OXR1: variants seen among roughly 807,000 people sequenced by gnomAD.
The protein encoded by OXR1 is oxidation resistance protein 1.
In OXR1, 41 loss-of-function variants were observed where a neutral mutation model predicts 104.6. The ratio of observed to expected loss-of-function variants is 0.39; its 90% CI spans 0.31 to 0.51. The LOEUF (loss-of-function observed/expected upper bound fraction) is 0.51. Ranked by LOEUF, OXR1 falls within the 20% of genes least tolerant of loss-of-function variation. The pLI, the probability that OXR1 is intolerant of heterozygous loss-of-function variation, is 0.77. For missense variants in OXR1, 955 were observed against 1,031.9 expected (o/e 0.93, Z 1.02); for synonymous variants, 348 against 348.4 (o/e 1.00, Z 0.01).
chr8:106,703,190 CTTTTA>C, intron 8 of OXR1, 100 bp downstream of exon 8: 1 of 711,312 alleles, frequency 1.4e-6, no homozygotes, highest in African/African-American at 1.8e-5. Flanking sequence ...TTATAGCTGC[CTTTTA>C]TTTTGTCAAT....
chr8:106,733,374 G>A (rs1347629457), intron 11 of OXR1, among the ~76,000 whole-genome samples: 6 of 152,070 alleles, frequency 3.9e-5, no homozygotes, highest in African/African-American at 1.4e-4. Flanking sequence ...CCTGGCTAGA[G>A]GTAGAGGTTT....
intron 1 of OXR1, among the ~76,000 whole-genome samples, chr8:106,274,634 TACAAAC>T (rs1474918771): frequency 8.9e-6 from 1 of 112,748 alleles, no homozygotes; most frequent in Non-Finnish European, 1.7e-5. Context: ...CTCCTGTGCA[TACAAAC>T]ACAAACAGCT....
At chr8:106,381,769 T>C (rs1817159771) in intron 2 of OXR1, among the ~76,000 whole-genome samples, 1 of 152,232 alleles carries the variant, frequency 6.6e-6, no homozygotes, top group Non-Finnish European at 1.5e-5. Flanking sequence ...TCTGTATTGC[T>C]GAGTTATTTT....
intron 2 of OXR1, among the ~76,000 whole-genome samples, chr8:106,490,029 C>T (rs970857995): frequency 6.6e-6 from 1 of 152,138 alleles, no homozygotes; most frequent in Admixed American, 6.5e-5. Context: ...AACCATAGCC[C>T]CATTTTCATT....
intron 4 of OXR1, among the ~76,000 whole-genome samples, chr8:106,680,788 A>G (rs1828073291): frequency 6.6e-6 from 1 of 152,040 alleles, no homozygotes; most frequent in Non-Finnish European, 1.5e-5. Flanking sequence ...ACTTCATACT[A>G]AACAAATTAT....
At chr8:106,328,270 A>C (rs1814561641) in intron 1 of OXR1, among the ~76,000 whole-genome samples, 1 of 152,242 alleles carries the variant, frequency 6.6e-6, no homozygotes, top group Admixed American at 6.5e-5. Flanking sequence ...GGAAACTGAT[A>C]TGGATTAAGT....
chr8:106,276,939 A>T (rs1023974592), intron 1 of OXR1, among the ~76,000 whole-genome samples: 1 of 152,266 alleles, frequency 6.6e-6, no homozygotes, highest in South Asian at 2.1e-4. Context: ...TTCAACTAGG[A>T]TGTATTTTTT....
Position 106,411,476 on chromosome 8 carries a change from G to A in OXR1, c.23+51840G>A, listed in dbSNP as rs530966054. ...AAGACATAGTTGGTTCATTCAGGAAGCCTCTGGTATCGTGGAGGAGACAAG... is the reference window on the plus strand; with the variant it reads ...AAGACATAGTTGGTTCATTCAGGAAACCTCTGGTATCGTGGAGGAGACAAG... On this transcript the variant is annotated intron_variant, in intron 2 of 16. Coordinates refer to ENST00000517566, the MANE Select transcript of OXR1 (RefSeq NM_001198533.2). Among the ~76,000 whole-genome samples, 5 of 152,300 alleles carry A rather than the reference G, an allele frequency of 3.3e-5. No individual in the cohort carries two copies. In the East Asian group the frequency reaches 9.6e-4, roughly 29 times the overall value.
intron 3 of OXR1, among the ~76,000 whole-genome samples, chr8:106,644,693 T>C (rs908982562): frequency 2.0e-5 from 3 of 152,128 alleles, no homozygotes; most frequent in African/African-American, 7.2e-5. Context: ...TGCACACGTA[T>C]GTGAAACACA....
chr8:106,536,226 A>AAAAG (rs144607017), intron 3 of OXR1, among the ~76,000 whole-genome samples: 1,656 of 145,132 alleles, frequency 0.011, 27 homozygotes, highest in African/African-American at 0.028. Context: ...TCTCAAAAAA[A>AAAAG]AAAGAAAGAA....
At chr8:106,681,682 GC>G (rs1453349049) in intron 4 of OXR1, among the ~76,000 whole-genome samples, 1 of 151,798 alleles carries the variant, frequency 6.6e-6, no homozygotes, top group Non-Finnish European at 1.5e-5. Context: ...GCATCACCAC[GC>G]CCAGCTAATT....
intron 3 of OXR1, among the ~76,000 whole-genome samples, chr8:106,676,038 A>G (rs538110510): frequency 2.0e-5 from 3 of 152,090 alleles, no homozygotes; most frequent in Non-Finnish European, 4.4e-5. Flanking sequence ...GCATTATGTA[A>G]TGCCCTTCTT....
intron 3 of OXR1, among the ~76,000 whole-genome samples, chr8:106,628,630 G>T (rs1221186997): frequency 1.3e-5 from 2 of 152,032 alleles, no homozygotes; most frequent in Admixed American, 6.6e-5. Flanking sequence ...ATTTTGGTTT[G>T]CTTTCCTTGC....
At chr8:106,483,768 GATTCTGAGAA>G (rs1262334634) in intron 2 of OXR1, among the ~76,000 whole-genome samples, 1 of 152,028 alleles carries the variant, frequency 6.6e-6, no homozygotes, top group Non-Finnish European at 1.5e-5. Flanking sequence ...TTGAGGAACA[GATTCTGAGAA>G]ATAGTGATGT....
intron 3 of OXR1, among the ~76,000 whole-genome samples, chr8:106,527,976 G>T (rs960049750): frequency 2.0e-5 from 3 of 152,176 alleles, no homozygotes; most frequent in African/African-American, 7.2e-5. Context: ...TTCCCCAAGT[G>T]CTAGTCTATA....
chr8:106,463,410 TAAGAA>T (rs1391893926), intron 2 of OXR1, among the ~76,000 whole-genome samples: 2 of 152,134 alleles, frequency 1.3e-5, no homozygotes, highest in African/African-American at 4.8e-5. Flanking sequence ...GCCTCTCAAA[TAAGAA>T]GAGTTCTTAG....
chr8:106,389,674 A>G (rs918728477), intron 2 of OXR1, among the ~76,000 whole-genome samples: 1 of 152,204 alleles, frequency 6.6e-6, no homozygotes, highest in Non-Finnish European at 1.5e-5. Flanking sequence ...TAAAACTGAT[A>G]TTTCATATTT....
chr8:106,696,391 C>T (rs947339138), intron 7 of OXR1, among the ~76,000 whole-genome samples: 1 of 152,186 alleles, frequency 6.6e-6, no homozygotes, highest in African/African-American at 2.4e-5. Flanking sequence ...ACATCTTGAT[C>T]ACTCTTAAGT....
At chr8:106,620,807 T>A (rs569478377) in intron 3 of OXR1, among the ~76,000 whole-genome samples, 1 of 152,268 alleles carries the variant, frequency 6.6e-6, no homozygotes, top group Non-Finnish European at 1.5e-5. Context: ...TTAAGACAAT[T>A]AGTAAAAAAT....
Sources: allele counts gnomAD v4.1 joint callset (sites outside exome capture counted in the v4.1 genomes callset), GRCh38; gene constraint gnomAD v4.1.1; transcripts MANE v1.5; gene names NCBI Gene and HGNC (gene_info 2026-07-23, HGNC 2026-07-21).